SPTLC3: variants seen among roughly 807,000 people sequenced by gnomAD.
The protein encoded by SPTLC3 is serine palmitoyltransferase long chain base subunit 3.
A neutral mutation model predicts 59.3 loss-of-function variants in SPTLC3; 36 were observed. The observed-to-expected ratio is 0.61, with a 90% CI of 0.47 to 0.80. SPTLC3 has a LOEUF of 0.80. Ranked by LOEUF, SPTLC3 falls within the 30% of genes least tolerant of loss-of-function variation. The pLI is 0.00. For synonymous variants in SPTLC3, 257 were observed against 240.8 expected, an observed-to-expected ratio of 1.07 and a Z score of -0.62; for missense variants, 625 against 685.1, an observed-to-expected ratio of 0.91 and a Z score of 0.98.
chr20:13,098,347 A>G (rs931628155), intron 6 of SPTLC3, among the ~76,000 whole-genome samples: 6 of 152,226 alleles, frequency 3.9e-5, no homozygotes, highest in Non-Finnish European at 8.8e-5. Context: ...AGGTGGACAG[A>G]CATAGCTATA....
intron 4 of SPTLC3, among the ~76,000 whole-genome samples, chr20:13,082,258 A>G (rs1988864670): frequency 6.6e-6 from 1 of 152,146 alleles, no homozygotes; most frequent in African/African-American, 2.4e-5. Context: ...AGCCCCAGAG[A>G]TTTTTAATGA....
intron 4 of SPTLC3, chr20:13,079,975 C>T (rs777912916): frequency 8.2e-6 from 2 of 245,388 alleles, no homozygotes; most frequent in Non-Finnish European, 1.7e-5. Flanking sequence ...CCCCAGGGAA[C>T]CAGAGAAAAC....
intron 1 of SPTLC3, among the ~76,000 whole-genome samples, chr20:13,035,772 G>A (rs1015760249): frequency 6.6e-6 from 1 of 152,100 alleles, no homozygotes; most frequent in African/African-American, 2.4e-5. Context: ...TGAGACTTGA[G>A]TTTTATAAAG....
At chr20:13,075,453 A>G (rs1440234057) in intron 4 of SPTLC3, among the ~76,000 whole-genome samples, 1 of 152,222 alleles carries the variant, frequency 6.6e-6, no homozygotes, top group Non-Finnish European at 1.5e-5. Context: ...AAACTATTTA[A>G]TTATTCAGAC....
intron 4 of SPTLC3, among the ~76,000 whole-genome samples, chr20:13,077,116 G>A (rs1299644672): frequency 6.6e-6 from 1 of 151,910 alleles, no homozygotes; most frequent in East Asian, 1.9e-4. Flanking sequence ...AAATGAAGCA[G>A]CAAAGAACAA....
At chr20:13,043,182 A>G (rs1007634166) in intron 1 of SPTLC3, among the ~76,000 whole-genome samples, 1 of 152,180 alleles carries the variant, frequency 6.6e-6, no homozygotes, top group Non-Finnish European at 1.5e-5. Context: ...ATGATGTGGA[A>G]AACCCCAAAT....
intron 10 of SPTLC3, among the ~76,000 whole-genome samples, chr20:13,159,235 G>A (rs1382549376): frequency 6.6e-6 from 1 of 152,176 alleles, no homozygotes; most frequent in African/African-American, 2.4e-5. Context: ...GCATCAGACC[G>A]CTTTCTAGTT....
chr20:13,097,425 T>C lies in SPTLC3; in HGVS notation c.826+3848T>C, dbSNP rs558769332. Among the ~76,000 whole-genome samples, 6 of 152,176 alleles carry C rather than the reference T, an allele frequency of 3.9e-5. 1 individual carries two copies. The South Asian group carries it at 1.2e-3, about 32-fold the overall frequency. ...AACATTTAGTTGCCTTCTCCATATG[T>C]CTAGTAGAGATGGAAACAGAGACAC... On this transcript the variant is annotated intron_variant, in intron 6 of 11. Coordinates refer to ENST00000399002, the MANE Select transcript of SPTLC3 (RefSeq NM_018327.4).
intron 9 of SPTLC3, among the ~76,000 whole-genome samples, chr20:13,151,605 T>C (rs1293726234): frequency 6.6e-6 from 1 of 152,230 alleles, no homozygotes; most frequent in Non-Finnish European, 1.5e-5. Context: ...TCCTCCTCCT[T>C]GGTCTGTGTT....
intron 1 of SPTLC3, among the ~76,000 whole-genome samples, chr20:13,021,884 A>G (rs996107873): frequency 6.6e-6 from 1 of 152,188 alleles, no homozygotes; most frequent in African/African-American, 2.4e-5. Flanking sequence ...GATAGATTAG[A>G]TGGATGATAG....
At chr20:13,034,803 C>T (rs1289710068) in intron 1 of SPTLC3, among the ~76,000 whole-genome samples, 1 of 151,764 alleles carries the variant, frequency 6.6e-6, no homozygotes, top group African/African-American at 2.4e-5. Context: ...AAAAAAAATG[C>T]TGTTATAGAT....
intron 6 of SPTLC3, among the ~76,000 whole-genome samples, chr20:13,098,258 G>A (rs1360196411): frequency 6.6e-6 from 1 of 151,960 alleles, no homozygotes; most frequent in Non-Finnish European, 1.5e-5. Context: ...ATTATTTAGG[G>A]GTAAAGACCA....
chr20:13,156,041 C>A (rs2038760910), intron 10 of SPTLC3, among the ~76,000 whole-genome samples: 1 of 152,092 alleles, frequency 6.6e-6, no homozygotes. Context: ...CTTTAACCAT[C>A]TGATTTTTGA....
At chr20:13,110,076 T>C (rs1197131573) in intron 6 of SPTLC3, 36 bp from the exon 7 acceptor site, 2 of 1,555,698 alleles carry the variant, frequency 1.3e-6, no homozygotes, top group African/African-American at 1.4e-5. Context: ...GTAAACCCTT[T>C]CATGACTCAA....
At chr20:13,149,019 C>T (rs965666469) in intron 9 of SPTLC3, among the ~76,000 whole-genome samples, 3 of 152,184 alleles carry the variant, frequency 2.0e-5, no homozygotes, top group African/African-American at 7.2e-5. Context: ...GATTTTTAGG[C>T]TGTTCAGGTG....
chr20:13,160,097 G>A lies in SPTLC3; in HGVS notation c.1510G>A (p.Val504Ile), dbSNP rs1279216461. The A allele has an allele frequency of 1.2e-6, 2 of 1,613,728 alleles. No individual in the cohort carries two copies. Among genetic ancestry groups the A allele is most frequent in the African/African-American group, 2.7e-5 (2 of 74,830 alleles). Residue 504 changes from valine (V) to isoleucine (I), a missense_variant, in exon 11 of 12, where the codon GTT (valine) becomes ATT (isoleucine). Transcript: ENST00000399002. ...CGCAGAAGCTCGGGCTCGGTTTTGT[G>A]TTTCAGCGGCACATACCCGGGAGAT... is the stretch of plus-strand genomic sequence containing the variant. ...PLAEARARFC[V>I]SAAHTREMLD...
chr20:13,093,033 A>G (rs1168439065), intron 5 of SPTLC3, among the ~76,000 whole-genome samples: 1 of 152,194 alleles, frequency 6.6e-6, no homozygotes. Context: ...ACAGTGGAAA[A>G]TAAGAATCAG....
rs561954159 is a variant in SPTLC3 at position 13,125,804 on chromosome 20, T to C, written c.1153-787T>C. On this transcript the variant is annotated intron_variant, in intron 8 of 11. Coordinates refer to ENST00000399002, the MANE Select transcript of SPTLC3 (RefSeq NM_018327.4). ...GCATAGACCCAGAACCACCACACCA[T>C]CACCTCTGCCATATATTACTGAACA... is the stretch of plus-strand genomic sequence containing the variant. Among the ~76,000 whole-genome samples, 3 of 152,260 alleles carry C rather than the reference T, an allele frequency of 2.0e-5. No homozygotes were observed. In the East Asian group the frequency reaches 5.8e-4, roughly 29 times the overall value.
At chr20:13,113,896 T>C (rs1265395581) in intron 7 of SPTLC3, among the ~76,000 whole-genome samples, 1 of 152,220 alleles carries the variant, frequency 6.6e-6, no homozygotes, top group African/African-American at 2.4e-5. Flanking sequence ...ACACTGACCA[T>C]GTGTCTACTC....
Sources: allele counts gnomAD v4.1 joint callset (sites outside exome capture counted in the v4.1 genomes callset), GRCh38; gene constraint gnomAD v4.1.1; transcripts MANE v1.5; gene names NCBI Gene and HGNC (gene_info 2026-07-23, HGNC 2026-07-21).